Variants in FER1L6 observed in about 807,000 individuals in gnomAD.
FER1L6 encodes the protein fer-1 like family member 6.
FER1L6 carries 177 observed loss-of-function variants against 219.2 expected under a neutral mutation model. The ratio of observed to expected loss-of-function variants is 0.81; its 90% CI spans 0.71 to 0.91. FER1L6 has a LOEUF of 0.91. FER1L6 is among the 40% of genes least tolerant of loss of function. The pLI is 0.00. For synonymous variants in FER1L6, 768 were observed against 824.3 expected (o/e 0.93, Z 1.17); for missense variants, 2,153 against 2,259.9 (o/e 0.95, Z 0.96).
chr8:124,016,457 A>G (rs1005960342), intron 15 of FER1L6, among the ~76,000 whole-genome samples: 3 of 151,584 alleles, frequency 2.0e-5, no homozygotes, highest in Non-Finnish European at 4.4e-5. Context: ...TGAAATGATC[A>G]TGCTCATCAT....
At chr8:123,992,032 C>T (rs1586562347) in intron 12 of FER1L6, among the ~76,000 whole-genome samples, 1 of 152,144 alleles carries the variant, frequency 6.6e-6, no homozygotes, top group Non-Finnish European at 1.5e-5. Flanking sequence ...ACCATTCCCG[C>T]ATCCCTGGAA....
At chr8:124,093,970 A>C (rs764404473) in intron 34 of FER1L6, among the ~76,000 whole-genome samples, 6 of 152,090 alleles carry the variant, frequency 3.9e-5, no homozygotes, top group African/African-American at 4.8e-5. Flanking sequence ...AAATTAGGCC[A>C]TTCTAAACTT....
intron 11 of FER1L6, among the ~76,000 whole-genome samples, chr8:123,983,495 A>T (rs894788542): frequency 1.3e-5 from 2 of 152,208 alleles, no homozygotes; most frequent in African/African-American, 4.8e-5. Context: ...ATGAAATATA[A>T]ATGTAACAGG....
chr8:123,857,468 C>T (rs373814576), intron 1 of FER1L6, among the ~76,000 whole-genome samples: 2 of 152,160 alleles, frequency 1.3e-5, no homozygotes, highest in African/African-American at 4.8e-5. Context: ...TATGATCACA[C>T]CACTGCACTC....
chr8:124,080,838 C>T (rs1305075738), intron 32 of FER1L6, among the ~76,000 whole-genome samples: 1 of 152,156 alleles, frequency 6.6e-6, no homozygotes, highest in Non-Finnish European at 1.5e-5. Flanking sequence ...GTATCAATTA[C>T]AGTTTAGAAT....
chr8:124,106,400 G>A (rs1020107290), intron 39 of FER1L6, among the ~76,000 whole-genome samples: 4 of 139,318 alleles, frequency 2.9e-5, no homozygotes, highest in Non-Finnish European at 6.1e-5. Flanking sequence ...TATCTCAATT[G>A]TTTAAAAGCA....
At chr8:123,866,691 C>T (rs1200656450) in intron 1 of FER1L6, among the ~76,000 whole-genome samples, 1 of 152,200 alleles carries the variant, frequency 6.6e-6, no homozygotes, top group African/African-American at 2.4e-5. Context: ...CTATCTAGCT[C>T]ACTGCAGCCT....
rs770451544 is a variant in FER1L6 at position 124,061,994 on chromosome 8, C to T, written c.3290C>T (p.Ala1097Val). 1.5e-5 allele frequency: 24 copies of T among 1,614,038 alleles called. No homozygotes were observed. In the Admixed American group the frequency reaches 3.7e-4, roughly 25 times the overall value. Residue 1097 changes from alanine to valine, a missense_variant, in exon 25 of 41, where the codon GCC becomes GTC. Physicochemically the swap from Ala to Val is moderately conservative, Grantham distance 64. Coordinates refer to ENST00000522917, the MANE Select transcript of FER1L6 (RefSeq NM_001039112.2). ...TTGTGTAAACTCAGAGAGCCCCTTG[C>T]CCCCATCACACAGGTGGATGGAACC... ...QFLCKLREPL[A>V]PITQVDGTQP...
chr8:123,973,499 G>A lies in FER1L6; in HGVS notation c.513G>A (p.Val171=), dbSNP rs1815915402. ...CTTTCAAAGTAGACCTGGGGACCGT[G>A]TACAACCAACCTGGTAAGAAAACAT... ...IGSFKVDLGT[V]YNQPGHQFCN... Residue 171 remains valine, a synonymous_variant, in exon 7 of 41, where the codon GTG becomes GTA. Transcript: ENST00000522917. 5.6e-6 allele frequency: 9 copies of A among 1,613,498 alleles called. No individual in the cohort carries two copies. Among genetic ancestry groups the A allele is most frequent in the Admixed American group, 1.7e-5 (1 of 60,018 alleles).
intron 39 of FER1L6, among the ~76,000 whole-genome samples, chr8:124,117,949 T>C (rs1050026779): frequency 6.6e-5 from 10 of 152,164 alleles, no homozygotes; most frequent in African/African-American, 2.4e-4. Flanking sequence ...TCGTGTGTAA[T>C]AAAATGCTTC....
intron 20 of FER1L6, among the ~76,000 whole-genome samples, chr8:124,042,199 C>T (rs1056103744): frequency 3.9e-5 from 6 of 152,216 alleles, no homozygotes; most frequent in Non-Finnish European, 8.8e-5. Flanking sequence ...ACAGCATCTT[C>T]ATTTGATTTA....
At chr8:123,965,050 A>G (rs1442608009) in intron 3 of FER1L6, among the ~76,000 whole-genome samples, 2 of 152,186 alleles carry the variant, frequency 1.3e-5, no homozygotes, top group Non-Finnish European at 2.9e-5. Flanking sequence ...TTATTGATGA[A>G]CCAATTAAAT....
chr8:123,975,806 G>T, intron 8 of FER1L6, 92 bp from the exon 9 acceptor site: 1 of 1,000,862 alleles, frequency 1.0e-6, no homozygotes, highest in Non-Finnish European at 1.5e-6. Context: ...CTTATATTGG[G>T]ATCTTTCTTT....
chr8:123,946,147 A>G (rs1433254501), intron 1 of FER1L6, among the ~76,000 whole-genome samples: 6 of 152,214 alleles, frequency 3.9e-5, no homozygotes, highest in Non-Finnish European at 7.4e-5. Flanking sequence ...ATCCAGAAGT[A>G]CTAGCTCTTC....
At chr8:124,020,704 C>T (rs1002406898) in intron 16 of FER1L6, among the ~76,000 whole-genome samples, 1 of 152,098 alleles carries the variant, frequency 6.6e-6, no homozygotes, top group Non-Finnish European at 1.5e-5. Context: ...CTCTGCCATT[C>T]AGTAGCTGCG....
Position 124,111,611 on chromosome 8 carries a change from A to T in FER1L6, c.5290-7233A>T, listed in dbSNP as rs1404163595. Reference sequence around the variant, plus strand: ...TCATTTTTATGGTTATTTCTTGATGATATGCTAAACAGGGGTGGATTCATG... The same window carrying T: ...TCATTTTTATGGTTATTTCTTGATGTTATGCTAAACAGGGGTGGATTCATG... On this transcript the variant is annotated intron_variant, in intron 39 of 40. Transcript: ENST00000522917. This position sits in a 1 kb window ranked among gnomAD's most constrained non-coding sequence, Gnocchi z 5.0. Among the ~76,000 whole-genome samples, 1 of 152,180 alleles carries T rather than the reference A, an allele frequency of 6.6e-6. No homozygotes were observed. The highest frequency in any genetic ancestry group is 3.2e-3 in the Middle Eastern group (1 of 316).
At position 123,852,608 on chromosome 8, in the gene FER1L6, A is replaced by T. The variant is rs979713279; in HGVS notation, c.-8+423A>T. The stretch of plus-strand genomic sequence containing the variant: ...CATGAGGAAGTTGCCTCAGGAACTC[A>T]TAGAAAATGTGGGGCCTCTCACAAG... On this transcript the variant is annotated intron_variant, in intron 1 of 40. Transcript: ENST00000522917. The surrounding 1 kb of genome is among the most constrained non-coding windows in gnomAD (Gnocchi z 4.9). 6.6e-6 allele frequency among the ~76,000 whole-genome samples: 1 copy of T among 152,128 alleles called. No individual in the cohort carries two copies.
At chr8:124,056,606 CTGTG>C (rs1820309049) in intron 22 of FER1L6, among the ~76,000 whole-genome samples, 1 of 152,198 alleles carries the variant, frequency 6.6e-6, no homozygotes, top group Non-Finnish European at 1.5e-5. Flanking sequence ...GGCAGCATCT[CTGTG>C]TGATCTTTCT....
intron 1 of FER1L6, among the ~76,000 whole-genome samples, chr8:123,892,415 G>T (rs35367669): frequency 6.6e-6 from 1 of 151,670 alleles, no homozygotes; most frequent in African/African-American, 2.4e-5. Flanking sequence ...TCTCAGCCCC[G>T]CAAGTAGCTG....
Sources: gnomAD v4.1 joint callset for allele counts (sites outside exome capture counted in the v4.1 genomes callset) on GRCh38, gnomAD v4.1.1 for gene constraint, Gnocchi (gnomAD v3.1) non-coding constraint, MANE v1.5 for transcripts, NCBI Gene and HGNC (gene_info 2026-07-23, HGNC 2026-07-21) for gene names.